CNTNAP4: variants seen among roughly 807,000 people sequenced by gnomAD.
CNTNAP4 encodes the protein contactin-associated protein-like 4.
CNTNAP4 carries 98 observed loss-of-function variants against 148.4 expected under a neutral mutation model. The observed-to-expected ratio is 0.66, with a 90% CI of 0.56 to 0.78. The LOEUF (loss-of-function observed/expected upper bound fraction) is 0.78, where lower values mean the gene tolerates loss of function less well. CNTNAP4 is among the 30% of genes least tolerant of loss of function. CNTNAP4 has a pLI of 0.00. For missense variants in CNTNAP4, 1,935 were observed against 1,565.6 expected (o/e 1.24, Z -3.98); for synonymous variants, 730 against 565.1 (o/e 1.29, Z -4.14).
At chr16:76,409,602 T>C (rs1164460024) in intron 3 of CNTNAP4, among the ~76,000 whole-genome samples, 5 of 151,992 alleles carry the variant, frequency 3.3e-5, no homozygotes, top group African/African-American at 1.2e-4. Flanking sequence ...AAAATAAAAC[T>C]CTACAGTAAA....
At chr16:76,458,389 T>C (rs533702712) in intron 8 of CNTNAP4, among the ~76,000 whole-genome samples, 2 of 152,262 alleles carry the variant, frequency 1.3e-5, no homozygotes, top group South Asian at 4.2e-4. Context: ...GCAAATTAAA[T>C]TTATTATGTA....
chr16:76,544,978 C>T (rs962894578), intron 21 of CNTNAP4, among the ~76,000 whole-genome samples: 1 of 152,138 alleles, frequency 6.6e-6, no homozygotes, highest in Admixed American at 6.5e-5. Flanking sequence ...TTATGTAAAA[C>T]TTGCTTCAGT....
chr16:76,413,798 G>T (rs1452702443), intron 3 of CNTNAP4, among the ~76,000 whole-genome samples: 1 of 150,798 alleles, frequency 6.6e-6, no homozygotes, highest in Non-Finnish European at 1.5e-5. Flanking sequence ...TCATGTAAAG[G>T]CATTAAATAT....
chr16:76,558,252 A>G (rs998441670), intron 23 of CNTNAP4: 4 of 398,730 alleles, frequency 1.0e-5, no homozygotes, highest in South Asian at 1.2e-4. Flanking sequence ...TAAATCCGAT[A>G]TAATATGCAT....
At chr16:76,513,979 TA>T (rs1435744112) in intron 15 of CNTNAP4, among the ~76,000 whole-genome samples, 8 of 152,216 alleles carry the variant, frequency 5.3e-5, no homozygotes, top group African/African-American at 1.4e-4. Context: ...CTCTGATAAA[TA>T]ACTGGACTCA....
intron 3 of CNTNAP4, among the ~76,000 whole-genome samples, chr16:76,402,361 GT>G (rs544770117): frequency 1.5e-5 from 2 of 136,384 alleles, no homozygotes; most frequent in Non-Finnish European, 3.0e-5. Context: ...GATGTTTGGT[GT>G]TTTTTTTTTC....
intron 3 of CNTNAP4, among the ~76,000 whole-genome samples, chr16:76,390,983 C>G (rs2016942396): frequency 6.6e-6 from 1 of 152,108 alleles, no homozygotes; most frequent in African/African-American, 2.4e-5. Flanking sequence ...TATCCATTCA[C>G]TCAAGCACTT....
chr16:76,392,908 C>T (rs2078077572), intron 3 of CNTNAP4, among the ~76,000 whole-genome samples: 1 of 152,180 alleles, frequency 6.6e-6, no homozygotes, highest in Admixed American at 6.5e-5. Flanking sequence ...GTGCTTACAC[C>T]AGAGTCCCTG....
intron 1 of CNTNAP4, among the ~76,000 whole-genome samples, chr16:76,300,595 G>A (rs1333445244): frequency 3.3e-5 from 5 of 152,070 alleles, no homozygotes; most frequent in Non-Finnish European, 7.3e-5. Flanking sequence ...AAATAAATGA[G>A]ACCAATGTCA....
intron 3 of CNTNAP4, among the ~76,000 whole-genome samples, chr16:76,407,703 G>A (rs2078642289): frequency 6.6e-6 from 1 of 152,106 alleles, no homozygotes; most frequent in Admixed American, 6.6e-5. Context: ...GTGGTTTCTT[G>A]AGATGGAATC....
intron 17 of CNTNAP4, among the ~76,000 whole-genome samples, chr16:76,529,974 C>T (rs73621228): frequency 0.039 from 6,003 of 151,988 alleles, 296 homozygotes; most frequent in East Asian, 0.27. Flanking sequence ...CTCTATTCAC[C>T]ATTGGATAGC....
At chr16:76,366,653 A>G (rs1283770099) in intron 3 of CNTNAP4, among the ~76,000 whole-genome samples, 1 of 152,162 alleles carries the variant, frequency 6.6e-6, no homozygotes, top group Admixed American at 6.6e-5. Context: ...TGTACTCAGT[A>G]GTGGGATTGC....
intron 10 of CNTNAP4, among the ~76,000 whole-genome samples, chr16:76,468,112 G>A (rs1359458606): frequency 6.6e-6 from 1 of 152,140 alleles, no homozygotes; most frequent in Non-Finnish European, 1.5e-5. Flanking sequence ...TTCAACAAGA[G>A]CATCAGTACA....
At chr16:76,443,282 C>A (rs2080113501) in intron 4 of CNTNAP4, among the ~76,000 whole-genome samples, 1 of 152,104 alleles carries the variant, frequency 6.6e-6, no homozygotes, top group African/African-American at 2.4e-5. Context: ...TTTACTGTTA[C>A]AAATTTTGTT....
chr16:76,368,131 C>T (rs1288904479), intron 3 of CNTNAP4, among the ~76,000 whole-genome samples: 1 of 152,096 alleles, frequency 6.6e-6, no homozygotes, highest in Non-Finnish European at 1.5e-5. Context: ...ACAAAACATA[C>T]CAGCAGGATA....
At chr16:76,279,960 C>G (rs1190515712) in intron 1 of CNTNAP4, among the ~76,000 whole-genome samples, 1 of 151,982 alleles carries the variant, frequency 6.6e-6, no homozygotes, top group Non-Finnish European at 1.5e-5. Context: ...TATATATTTC[C>G]CAGCAAGACT....
chr16:76,409,468 A>T (rs1405173582), intron 3 of CNTNAP4, among the ~76,000 whole-genome samples: 2 of 152,004 alleles, frequency 1.3e-5, no homozygotes, highest in African/African-American at 4.8e-5. Context: ...CAACCAATCT[A>T]AACTGCGTTG....
chr16:76,491,337 G>C (rs1255664586), intron 13 of CNTNAP4, among the ~76,000 whole-genome samples: 1 of 152,280 alleles, frequency 6.6e-6, no homozygotes, highest in African/African-American at 2.4e-5. Flanking sequence ...TCATTGGCTA[G>C]GTGCATCTAG....
intron 1 of CNTNAP4, among the ~76,000 whole-genome samples, chr16:76,305,350 G>C (rs879913039): frequency 3.9e-5 from 6 of 152,172 alleles, no homozygotes; most frequent in Non-Finnish European, 8.8e-5. Flanking sequence ...GAACTAGATC[G>C]TAGATTGATT....
Sources: gnomAD v4.1 joint callset for allele counts (sites outside exome capture counted in the v4.1 genomes callset) on GRCh38, gnomAD v4.1.1 for gene constraint, MANE v1.5 for transcripts, NCBI Gene and HGNC (gene_info 2026-07-23, HGNC 2026-07-21) for gene names.